Variants in ITPRID2 observed in about 807,000 individuals in gnomAD.
The protein encoded by ITPRID2 is protein ITPRID2.
In ITPRID2, 60 loss-of-function variants were observed where a neutral mutation model predicts 124.3. The observed-to-expected ratio is 0.48, with a 90% CI of 0.39 to 0.60. ITPRID2 has a LOEUF of 0.60. Among genes scored for constraint, ITPRID2 ranks in the 20% least tolerant of loss-of-function variants. The pLI, the probability that ITPRID2 is intolerant of heterozygous loss-of-function variation, is 0.00. For synonymous variants in ITPRID2, 521 were observed against 542.9 expected (o/e 0.96, Z 0.56); for missense variants, 1,553 against 1,512.2 (o/e 1.03, Z -0.45).
rs1220664511 is a variant in ITPRID2, at chr2:181,892,409, C to G, written c.211+132C>G. The G allele has an allele frequency of 1.7e-6, 2 of 1,202,918 alleles. No individual in the cohort carries two copies. Among genetic ancestry groups the G allele is most frequent in the African/African-American group, 1.5e-5 (1 of 65,494 alleles). 74.5% of individuals were successfully genotyped at this position (1,202,918 alleles called of 1,614,324 possible). Reference sequence around the variant, plus strand: ...CCGAGGGGAGAGGGGACACTTCCGACCTTCAAACGCGCGCGCTGAACGAGG... The same window carrying G: ...CCGAGGGGAGAGGGGACACTTCCGAGCTTCAAACGCGCGCGCTGAACGAGG... On this transcript the variant is annotated intron_variant, in intron 1 of 17. Transcript: ENST00000431877. This position sits in a 1 kb window ranked among gnomAD's most constrained non-coding sequence, Gnocchi z 5.2.
intron 2 of ITPRID2, chr2:181,893,908 A>T (rs1317156177): frequency 1.3e-5 from 2 of 152,152 alleles, no homozygotes; most frequent in African/African-American, 4.8e-5. Flanking sequence ...CATGTTCAAG[A>T]CCTTTTGGGT....
In ITPRID2 at chr2:181,915,990, GAA is replaced by G; in HGVS notation, c.2353_2354del (p.Lys785AlafsTer6). On this transcript the variant is annotated frameshift_variant, in exon 11 of 18. Coordinates refer to ENST00000431877, the MANE Select transcript of ITPRID2 (RefSeq NM_001130445.3). LOFTEE classifies it high-confidence loss of function. ...CACACCTGAAGAGGAGCAGGAATTG[GAA>G]AAGCGGGTGATGGAACATGATGGTC... is the stretch of plus-strand genomic sequence containing the variant. ...KYTPEEEQEL[E>X]KRVMEHDGQS... The G allele has an allele frequency of 6.2e-7, 1 of 1,614,116 alleles. No individual in the cohort carries two copies. Among genetic ancestry groups the G allele is most frequent in the Non-Finnish European group, 8.5e-7 (1 of 1,179,982 alleles).
intron 8 of ITPRID2, among the ~76,000 whole-genome samples, chr2:181,906,291 A>G (rs77823479): frequency 0.027 from 4,136 of 152,262 alleles, 169 homozygotes; most frequent in African/African-American, 0.094. Context: ...CACAGGGGGA[A>G]GGAGCACAGC....
rs1695135412 is a variant in ITPRID2 at position 181,929,599 on chromosome 2, A to T, written c.*52A>T. The T allele has an allele frequency of 1.2e-6, 2 of 1,613,148 alleles. No homozygotes were observed. The highest frequency in any genetic ancestry group is 1.7e-6 in the Non-Finnish European group (2 of 1,179,490). On this transcript the variant is annotated 3_prime_UTR_variant, in exon 18 of 18. Transcript: ENST00000431877. ...CTATTAGCTGTGTAATACTGGAATT[A>T]TCAATGATATGCACTGGTGGAGGTG...
rs766768978 is a variant in ITPRID2 at position 181,902,028 on chromosome 2, G to T, written c.975G>T (p.Lys325Asn). 1.9e-6 allele frequency: 3 copies of T among 1,613,222 alleles called. No individual in the cohort carries two copies. The African/African-American group carries it at 4.0e-5, about 22-fold the overall frequency. The part of the protein sequence containing the change: ...SSPSPSAEKG[K>N]ILNVSVIEES... ...CTTCTCCATCAGCTGAAAAAGGAAAGATTCTAAATGTTTCAGTGATTGAAG... is the reference window on the plus strand; with the variant it reads ...CTTCTCCATCAGCTGAAAAAGGAAATATTCTAAATGTTTCAGTGATTGAAG... Residue 325 changes from lysine (K) to asparagine (N), a missense_variant, in exon 8 of 18, where the codon AAG (lysine) becomes AAT (asparagine). Coordinates refer to ENST00000431877, the MANE Select transcript of ITPRID2 (RefSeq NM_001130445.3). This position sits in a 1 kb window ranked among gnomAD's most constrained non-coding sequence, Gnocchi z 4.4.
intron 17 of ITPRID2, 93 bp downstream of exon 17, chr2:181,928,371 GTTAAATTTT>G (rs1458493050): frequency 9.5e-6 from 7 of 733,884 alleles, no homozygotes; most frequent in Non-Finnish European, 1.5e-5. Flanking sequence ...TGGTTCTCTA[GTTAAATTTT>G]GAGTTTTAGA....
At position 181,915,618 on chromosome 2, in the gene ITPRID2, C is replaced by T. The variant is rs1226842592; in HGVS notation, c.1978C>T (p.His660Tyr). 3 of 1,614,180 alleles carry T rather than the reference C, an allele frequency of 1.9e-6. No homozygotes were observed. The highest frequency in any genetic ancestry group is 1.7e-6 in the Non-Finnish European group (2 of 1,180,040). ...SESEFTQYTT[H>Y]HILKSLASIE... is the part of the protein sequence containing the mutation. ...AAGTGAATTTACTCAGTATACCACA[C>T]ACCATATTCTGAAATCATTGGCTTC... The change falls in exon 11 of 18, where the codon CAC becomes TAC. Residue 660 changes from histidine to tyrosine, a missense_variant. By Grantham distance (83) the His-to-Tyr change is moderately conservative. Transcript: ENST00000431877.
chr2:181,919,231 A>C lies in ITPRID2; in HGVS notation c.2994-65A>C. ...CTGTTAGCATATAGTAGTTGTTGAA[A>C]GATTTGTGATTAGGAATCTCCAAAC... On this transcript the variant is annotated intron_variant, in intron 13 of 17. Transcript: ENST00000431877. This position sits in a 1 kb window ranked among gnomAD's most constrained non-coding sequence, Gnocchi z 4.2. 6.3e-7 allele frequency: 1 copy of C among 1,579,672 alleles called. No homozygotes were observed. The highest frequency in any genetic ancestry group is 8.6e-7 in the Non-Finnish European group (1 of 1,157,890).
Position 181,918,839 on chromosome 2 carries a change from C to T in ITPRID2, c.2950C>T (p.Arg984Cys), listed in dbSNP as rs376376025. 6.3e-5 allele frequency: 102 copies of T among 1,614,016 alleles called. No individual in the cohort carries two copies. The highest frequency in any genetic ancestry group is 1.2e-4 in the African/African-American group (9 of 74,930). Residue 984 changes from arginine (R) to cysteine (C), a missense_variant, in exon 13 of 18, where the codon CGT (arginine) becomes TGT (cysteine). By Grantham distance (180) the Arg-to-Cys change is radical (BLOSUM62 -3). Coordinates refer to ENST00000431877, the MANE Select transcript of ITPRID2 (RefSeq NM_001130445.3). ...GATGGATTTAGAATTGGCAATGCTG[C>T]GTCAGCAAACCATGGTTTATCATCA... ...QMMDLELAML[R>C]QQTMVYHHMT...
intron 8 of ITPRID2, among the ~76,000 whole-genome samples, chr2:181,908,656 C>T (rs776664156): frequency 1.3e-5 from 2 of 152,148 alleles, no homozygotes; most frequent in Admixed American, 6.5e-5. Flanking sequence ...TCATAAACTT[C>T]GGTTCCTGGA....
chr2:181,912,496 T>G (rs148141624), intron 9 of ITPRID2, among the ~76,000 whole-genome samples: 64 of 152,338 alleles, frequency 4.2e-4, no homozygotes, highest in African/African-American at 1.4e-3. Context: ...TTATTCTAAA[T>G]TTTTAATGGG....
chr2:181,903,827 CT>C (rs1413454679), intron 8 of ITPRID2, among the ~76,000 whole-genome samples: 2 of 152,012 alleles, frequency 1.3e-5, no homozygotes, highest in Non-Finnish European at 2.9e-5. Flanking sequence ...ACTCTGATAA[CT>C]TTTTGACTTT....
chr2:181,892,892 C>T lies in ITPRID2; in HGVS notation c.257+232C>T. 1.7e-6 allele frequency: 1 copy of T among 590,780 alleles called. No individual in the cohort carries two copies. The highest frequency in any genetic ancestry group is 3.0e-6 in the Non-Finnish European group (1 of 329,938). 36.6% of individuals were successfully genotyped at this position (590,780 alleles called of 1,614,324 possible). A position where few individuals can be genotyped will look rare whatever the true frequency, so the allele number is the denominator to read the frequency against. ...ACAGTTAGGACTTGAGCTACTCACGCATCGTGTTAGCATCAGAGATCAGAA... is the reference window on the plus strand; with the variant it reads ...ACAGTTAGGACTTGAGCTACTCACGTATCGTGTTAGCATCAGAGATCAGAA... On this transcript the variant is annotated intron_variant, in intron 2 of 17. Transcript: ENST00000431877. This position sits in a 1 kb window ranked among gnomAD's most constrained non-coding sequence, Gnocchi z 5.2.
At position 181,892,835 on chromosome 2, in the gene ITPRID2, A is replaced by G; in HGVS notation, c.257+175A>G. ...AGCGATTAGAAATGGAAGTGCTGTG[A>G]CCGCTGATTATTTGGTGACCGTGTT... On this transcript the variant is annotated intron_variant, in intron 2 of 17. Transcript: ENST00000431877. This position sits in a 1 kb window ranked among gnomAD's most constrained non-coding sequence, Gnocchi z 5.2. 1 of 678,468 alleles carries G rather than the reference A, an allele frequency of 1.5e-6. No individual in the cohort carries two copies. The highest frequency in any genetic ancestry group is 1.8e-5 in the South Asian group (1 of 56,488). The allele number at this position is 678,468 out of a possible 1,614,324, so 42.0% of individuals were successfully genotyped here.
rs767577845 is a variant in ITPRID2 at position 181,916,398 on chromosome 2, A to G, written c.2758A>G (p.Ile920Val). 26 of 1,613,658 alleles carry G rather than the reference A, an allele frequency of 1.6e-5. No homozygotes were observed. Among genetic ancestry groups the G allele is most frequent in the Non-Finnish European group, 2.0e-5 (24 of 1,179,754 alleles). Residue 920 changes from isoleucine to valine, a missense_variant, in exon 11 of 18, where the codon ATT becomes GTT. Transcript: ENST00000431877. ...GCAGTTGCGAAGAGTATTACATGATATTAGAAACTCACTGCAGAATCTTTC... is the reference window on the plus strand; with the variant it reads ...GCAGTTGCGAAGAGTATTACATGATGTTAGAAACTCACTGCAGAATCTTTC... The part of the protein sequence containing the change: ...EMQLRRVLHD[I>V]RNSLQNLSQY...
chr2:181,922,281 G>A lies in ITPRID2; in HGVS notation c.3544G>A (p.Glu1182Lys). Residue 1182 changes from glutamate to lysine, a missense_variant, in exon 16 of 18, where the codon GAA becomes AAA. Glu to Lys is a moderately conservative substitution (Grantham distance 56). Coordinates refer to ENST00000431877, the MANE Select transcript of ITPRID2 (RefSeq NM_001130445.3). Reference sequence around the variant, plus strand: ...AAGTTCTGAGGAAGTTGATGCAGCTGAAGGAGCCCCAGAAGTTGTAGGACC... The same window carrying A: ...AAGTTCTGAGGAAGTTGATGCAGCTAAAGGAGCCCCAGAAGTTGTAGGACC... ...LESSEEVDAAEGAPEVVGPKS... is the reference protein window; with the variant it reads ...LESSEEVDAAKGAPEVVGPKS... 1 of 1,614,216 alleles carries A rather than the reference G, an allele frequency of 6.2e-7. No individual in the cohort carries two copies. Among genetic ancestry groups the A allele is most frequent in the South Asian group, 1.1e-5 (1 of 91,082 alleles).
chr2:181,913,725 G>A (rs1220283022), intron 9 of ITPRID2, 120 bp from the exon 10 acceptor site: 30 of 626,118 alleles, frequency 4.8e-5, no homozygotes, highest in African/African-American at 9.4e-5. Context: ...CAAATATTGT[G>A]TATCTTATAT....
chr2:181,902,508 A>G lies in ITPRID2; in HGVS notation c.1413+42A>G. The G allele has an allele frequency of 1.4e-6, 2 of 1,396,908 alleles. No individual in the cohort carries two copies. The highest frequency in any genetic ancestry group is 1.9e-6 in the Non-Finnish European group (2 of 1,039,708). 86.5% of individuals were successfully genotyped at this position (1,396,908 alleles called of 1,614,324 possible). A position where few individuals can be genotyped will look rare whatever the true frequency, so the allele number is the denominator to read the frequency against. On this transcript the variant is annotated intron_variant, in intron 8 of 17. Coordinates refer to ENST00000431877, the MANE Select transcript of ITPRID2 (RefSeq NM_001130445.3). The surrounding 1 kb of genome is among the most constrained non-coding windows in gnomAD (Gnocchi z 4.4). ...TGAGACTGGTTTCAAGTTGCAGACT[A>G]GGAAAAAAAGTACCAAAAATGCTTA...
At chr2:181,911,206 T>C (rs954184512) in intron 9 of ITPRID2, among the ~76,000 whole-genome samples, 1 of 152,196 alleles carries the variant, frequency 6.6e-6, no homozygotes, top group African/African-American at 2.4e-5. Context: ...ATAGTTTTCA[T>C]CATCTTGAAA....
Sources: gnomAD v4.1 joint callset for allele counts (sites outside exome capture counted in the v4.1 genomes callset) on GRCh38, gnomAD v4.1.1 for gene constraint, Gnocchi (gnomAD v3.1) non-coding constraint, MANE v1.5 for transcripts, NCBI Gene and HGNC (gene_info 2026-07-23, HGNC 2026-07-21) for gene names.